Variants in GMDS observed in about 807,000 individuals in gnomAD.
GMDS encodes the protein GDP-mannose 4,6 dehydratase.
GMDS carries 20 observed loss-of-function variants against 49.9 expected under a neutral mutation model. The ratio of observed to expected loss-of-function variants is 0.40; its 90% confidence interval spans 0.28 to 0.58. The LOEUF (loss-of-function observed/expected upper bound fraction) is 0.58. Among genes scored for constraint, GMDS ranks in the 20% least tolerant of loss-of-function variants. GMDS has a pLI of 0.42. For missense variants in GMDS, 362 were observed against 481.4 expected (o/e 0.75, Z 2.32); for synonymous variants, 177 against 178.6 (o/e 0.99, Z 0.07).
chr6:2,078,449 G>A (rs957460123), intron 4 of GMDS, among the ~76,000 whole-genome samples: 5 of 151,976 alleles, frequency 3.3e-5, no homozygotes, highest in Admixed American at 1.3e-4. Flanking sequence ...TATCCCACAG[G>A]TTTTGGTATG....
chr6:1,903,774 C>T (rs182067954), intron 7 of GMDS, among the ~76,000 whole-genome samples: 3 of 142,084 alleles, frequency 2.1e-5, no homozygotes, highest in South Asian at 2.3e-4. Context: ...GATGTGCTTA[C>T]GGGCGCCTCC....
intron 1 of GMDS, among the ~76,000 whole-genome samples, chr6:2,186,139 A>T (rs903121689): frequency 2.6e-5 from 4 of 152,178 alleles, no homozygotes; most frequent in African/African-American, 7.2e-5. Context: ...GAACCAATGA[A>T]ATTTGCCATG....
chr6:1,932,592 C>T (rs1762340777), intron 6 of GMDS, among the ~76,000 whole-genome samples: 2 of 146,226 alleles, frequency 1.4e-5, no homozygotes, highest in Admixed American at 1.4e-4. Context: ...GGCTGGAGTG[C>T]AGTGGCGCGA....
At chr6:2,213,784 G>A (rs946033746) in intron 1 of GMDS, among the ~76,000 whole-genome samples, 4 of 152,128 alleles carry the variant, frequency 2.6e-5, no homozygotes, top group African/African-American at 9.7e-5. Context: ...AGCTTAAGGG[G>A]GAGAAGGGGT....
chr6:1,934,452 T>C (rs1762430442), intron 6 of GMDS, among the ~76,000 whole-genome samples: 1 of 152,238 alleles, frequency 6.6e-6, no homozygotes, highest in South Asian at 2.1e-4. Flanking sequence ...GTTGAATCTG[T>C]AGATCAAAAT....
chr6:1,624,205 G>T lies in GMDS; in HGVS notation c.1083C>A (p.Ala361=). Reference sequence around the variant, plus strand: ...GGTTTGTCCTCATGAGCTCCACGTCGGCGTGCACCATCTCCCTCACCAGCT... The same window carrying T: ...GGTTTGTCCTCATGAGCTCCACGTCTGCGTGCACCATCTCCCTCACCAGCT... The part of the protein sequence containing the change: ...FDELVREMVH[A]DVELMRTNPN... Residue 361 remains alanine, a synonymous_variant, in exon 11 of 11, where the codon GCC becomes GCA. Coordinates refer to ENST00000380815, the MANE Select transcript of GMDS (RefSeq NM_001500.4). The T allele has an allele frequency of 1.2e-6, 2 of 1,611,026 alleles. No individual in the cohort carries two copies. The highest frequency in any genetic ancestry group is 1.7e-6 in the Non-Finnish European group (2 of 1,179,788).
At chr6:1,969,105 CA>C (rs1242483923) in intron 4 of GMDS, among the ~76,000 whole-genome samples, 4 of 150,594 alleles carry the variant, frequency 2.7e-5, no homozygotes, top group East Asian at 3.9e-4. Context: ...ACTAAAAATA[CA>C]AAAAAATTAG....
intron 4 of GMDS, among the ~76,000 whole-genome samples, chr6:2,015,974 A>C (rs576044184): frequency 6.6e-4 from 100 of 151,228 alleles, no homozygotes; most frequent in African/African-American, 2.4e-3. Flanking sequence ...GTAGCAGCAC[A>C]GGTCTGTAAT....
intron 8 of GMDS, among the ~76,000 whole-genome samples, chr6:1,737,592 T>TAC (rs927576315): frequency 5.4e-5 from 6 of 110,430 alleles, no homozygotes; most frequent in African/African-American, 2.2e-4. Context: ...TACACACACA[T>TAC]ACACACACCA....
At chr6:1,978,393 G>T (rs1046057422) in intron 4 of GMDS, among the ~76,000 whole-genome samples, 1 of 152,202 alleles carries the variant, frequency 6.6e-6, no homozygotes, top group African/African-American at 2.4e-5. Flanking sequence ...TGGGTTGGTT[G>T]GATAACTCAG....
chr6:1,783,014 G>T (rs1460578369), intron 7 of GMDS, among the ~76,000 whole-genome samples: 3 of 152,066 alleles, frequency 2.0e-5, no homozygotes, highest in Admixed American at 2.0e-4. Context: ...AAATAGTCGG[G>T]CATGTTAGCA....
At chr6:1,890,988 C>G (rs1459779033) in intron 7 of GMDS, among the ~76,000 whole-genome samples, 1 of 152,120 alleles carries the variant, frequency 6.6e-6, no homozygotes, top group Non-Finnish European at 1.5e-5. Context: ...GTCTGGGTAC[C>G]ATTGTTGAAA....
chr6:1,961,393 G>C (rs1452924387), intron 4 of GMDS, among the ~76,000 whole-genome samples: 1 of 152,172 alleles, frequency 6.6e-6, no homozygotes, highest in African/African-American at 2.4e-5. Flanking sequence ...TTTGGAACAT[G>C]TGCTTTAGAA....
intron 1 of GMDS, among the ~76,000 whole-genome samples, chr6:2,143,042 G>GT (rs2127530268): frequency 6.6e-6 from 1 of 152,268 alleles, no homozygotes; most frequent in Non-Finnish European, 1.5e-5. Flanking sequence ...AGACCCCACT[G>GT]TTTCCCACTG....
intron 7 of GMDS, among the ~76,000 whole-genome samples, chr6:1,909,760 C>G (rs751066088): frequency 2.7e-4 from 41 of 152,290 alleles, no homozygotes; most frequent in Admixed American, 1.2e-3. Flanking sequence ...TCAGTAGGCA[C>G]AAGGCGAGGG....
In GMDS at chr6:2,117,485, C is replaced by T. The variant is rs1225831497; in HGVS notation, c.219G>A (p.Gln73=). The T allele has an allele frequency of 6.3e-7, 1 of 1,589,516 alleles. No homozygotes were observed. ...GRIEHLYKNP[Q]AHIEGNMKLH... is the part of the protein sequence containing the mutation. The stretch of plus-strand genomic sequence containing the variant: ...ATGACTTACTTCCTTCAATGTGAGC[C>T]TGGGGATTCTTATACAGATGCTCAA... The change falls in exon 3 of 11, where the codon CAG becomes CAA. Residue 73 remains glutamine, a synonymous_variant. Coordinates refer to ENST00000380815, the MANE Select transcript of GMDS (RefSeq NM_001500.4).
intron 7 of GMDS, among the ~76,000 whole-genome samples, chr6:1,853,661 C>A (rs1485006557): frequency 6.6e-6 from 1 of 151,988 alleles, no homozygotes. Flanking sequence ...CTGTTAGTAG[C>A]CACAGAGCCT....
At chr6:1,737,382 T>C (rs1260090188) in intron 8 of GMDS, among the ~76,000 whole-genome samples, 1 of 152,112 alleles carries the variant, frequency 6.6e-6, no homozygotes, top group Non-Finnish European at 1.5e-5. Flanking sequence ...ATCTTAATTG[T>C]AGGAGAAAAG....
chr6:1,764,330 T>C, intron 7 of GMDS, among the ~76,000 whole-genome samples: 1 of 152,188 alleles, frequency 6.6e-6, no homozygotes, highest in Non-Finnish European at 1.5e-5. Context: ...AGGCTTTATG[T>C]GTTTCTTCAT....
Sources: gnomAD v4.1 joint callset for allele counts (sites outside exome capture counted in the v4.1 genomes callset) on GRCh38, gnomAD v4.1.1 for gene constraint, MANE v1.5 for transcripts, NCBI Gene and HGNC (gene_info 2026-07-23, HGNC 2026-07-21) for gene names.